BTD: variants seen among roughly 807,000 people sequenced by gnomAD.
BTD encodes the protein biocytinase.
In BTD, 13 loss-of-function variants were observed where a neutral mutation model predicts 17.7. The ratio of observed to expected loss-of-function variants is 0.74; its 90% CI spans 0.48 to 1.17. The LOEUF is 1.17. Ranked by LOEUF, BTD falls within the 50% of genes most tolerant of loss-of-function variation. The pLI, the probability that BTD is intolerant of heterozygous loss-of-function variation, is 0.00. For synonymous variants in BTD, 240 were observed against 245.2 expected (o/e 0.98, Z 0.20); for missense variants, 674 against 650.4 (o/e 1.04, Z -0.39).
intron 1 of BTD, among the ~76,000 whole-genome samples, chr3:15,608,713 C>T (rs1447304738): frequency 6.6e-6 from 1 of 151,752 alleles, no homozygotes; most frequent in Non-Finnish European, 1.5e-5. Flanking sequence ...TTGCAGTGAG[C>T]CGAGATTGCG....
chr3:15,626,609 T>G (rs2065070708), intron 1 of BTD, among the ~76,000 whole-genome samples: 1 of 151,736 alleles, frequency 6.6e-6, no homozygotes, highest in African/African-American at 2.4e-5. Context: ...AGACCCCATC[T>G]CTACAAAAAA....
At chr3:15,678,765 A>G (rs2067220816) in intron 3 of BTD, among the ~76,000 whole-genome samples, 1 of 152,188 alleles carries the variant, frequency 6.6e-6, no homozygotes, top group South Asian at 2.1e-4. Flanking sequence ...TTCGAAAGAG[A>G]GGGAAAAATA....
chr3:15,696,320 TA>T (rs1362351693), intron 3 of BTD: 6 of 945,452 alleles, frequency 6.3e-6, no homozygotes, highest in Admixed American at 3.1e-5. Context: ...AGACTGAAAT[TA>T]AAAACTGACA....
intron 1 of BTD, among the ~76,000 whole-genome samples, chr3:15,627,672 C>G (rs2065098937): frequency 6.6e-6 from 1 of 152,196 alleles, no homozygotes; most frequent in Non-Finnish European, 1.5e-5. Context: ...CTACTATCAT[C>G]CAGCGTCAGT....
At chr3:15,717,813 A>G (rs1050743278) in intron 4 of BTD, among the ~76,000 whole-genome samples, 1 of 152,330 alleles carries the variant, frequency 6.6e-6, no homozygotes, top group African/African-American at 2.4e-5. Context: ...TATAAACCTG[A>G]TTCATTTTAC....
chr3:15,685,522 TTAAA>T, intron 3 of BTD: 1 of 1,300,222 alleles, frequency 7.7e-7, no homozygotes, highest in Non-Finnish European at 1.1e-6. Flanking sequence ...ATTAAAAACT[TTAAA>T]GACCATACTC....
chr3:15,625,014 G>A (rs189340436), intron 1 of BTD, among the ~76,000 whole-genome samples: 19 of 152,222 alleles, frequency 1.2e-4, no homozygotes, highest in Non-Finnish European at 1.8e-4. Flanking sequence ...ATGAGCCACC[G>A]CACCTGGCCT....
Position 15,614,111 on chromosome 3 carries a change from CTCTTTCTT to C in BTD, c.-17+12227_-17+12234del, listed in dbSNP as rs1007892577. Among the ~76,000 whole-genome samples, 3 of 146,022 alleles carry C rather than the reference CTCTTTCTT, an allele frequency of 2.1e-5. 1 individual carries two copies. The highest frequency in any genetic ancestry group is 7.8e-5 in the African/African-American group (3 of 38,656). On this transcript the variant is annotated intron_variant, in intron 1 of 3. Coordinates refer to ENST00000643237, the MANE Select transcript of BTD (RefSeq NM_001370658.1). ...ATGTGTCATTTTATGTATTTTCTCC[CTCTTTCTT>C]TCTTTCTTTTTTTTTTTTTTTTAAG...
chr3:15,653,085 G>A lies in BTD; in HGVS notation c.*7597G>A, dbSNP rs1426235128. ...CAGAGTTATCCAACAGCCTGGTATG[G>A]TGCAGACCAGGGGCTCTCGAAAGGT... is the stretch of plus-strand genomic sequence containing the variant. On this transcript the variant is annotated 3_prime_UTR_variant, in exon 4 of 4. Coordinates refer to ENST00000643237, the MANE Select transcript of BTD (RefSeq NM_001370658.1). Among the ~76,000 whole-genome samples the A allele has an allele frequency of 2.0e-5, 3 of 152,238 alleles. No homozygotes were observed. In the East Asian group the frequency reaches 5.8e-4, roughly 29 times the overall value.
At position 15,675,909 on chromosome 3, in the gene BTD, A is replaced by C. The variant is rs1190492410; in HGVS notation, c.399+33852A>C. 4.3e-6 allele frequency: 7 copies of C among 1,610,140 alleles called. No individual in the cohort carries two copies. The Admixed American group carries it at 5.0e-5, about 12-fold the overall frequency. On this transcript the variant is annotated intron_variant, in intron 3 of 3. Transcript: ENST00000672141. ...TAGAACCAACTTACCATTTTCATCT[A>C]CTGCAAGCACACTTGCTCCTTTTCC...
At chr3:15,675,546 G>A (rs762345445) in intron 3 of BTD, among the ~76,000 whole-genome samples, 1 of 152,214 alleles carries the variant, frequency 6.6e-6, no homozygotes, top group Non-Finnish European at 1.5e-5. Context: ...ACAGGATCTA[G>A]TGCATGAGTA....
At chr3:15,643,915 AG>A (rs1458082917) in intron 3 of BTD, among the ~76,000 whole-genome samples, 1 of 149,796 alleles carries the variant, frequency 6.7e-6, no homozygotes, top group African/African-American at 2.4e-5. Flanking sequence ...AAGAAAAGAA[AG>A]AAAAAAAAAA....
At position 15,653,607 on chromosome 3, in the gene BTD, T is replaced by C. The variant is rs2065839208; in HGVS notation, c.*8119T>C. Among the ~76,000 whole-genome samples the C allele has an allele frequency of 6.6e-6, 1 of 152,236 alleles. No individual in the cohort carries two copies. Among genetic ancestry groups the C allele is most frequent in the South Asian group, 2.1e-4 (1 of 4,838 alleles). On this transcript the variant is annotated 3_prime_UTR_variant, in exon 4 of 4. Transcript: ENST00000643237. ...TAAAGGCAATTATATTTACATTTTC[T>C]CTAAGTACTGGAATGTAATGGTTGA...
In BTD at chr3:15,644,612, C is replaced by T. The variant is rs758306005; in HGVS notation, c.696C>T (p.Asp232=). 3 of 1,614,054 alleles carry T rather than the reference C, an allele frequency of 1.9e-6. No homozygotes were observed. The highest frequency in any genetic ancestry group is 2.5e-6 in the Non-Finnish European group (3 of 1,180,040). Residue 232 remains aspartate, a synonymous_variant, in exon 4 of 4, where the codon GAC becomes GAT. Transcript: ENST00000643237. ...CATGCTTTGATATATTGTTCTTTGA[C>T]CCTGCCATCAGAGTCCTCAGAGACT... The part of the protein sequence containing the change: ...IFTCFDILFF[D]PAIRVLRDYK...
At chr3:15,674,071 C>T (rs2066654788) in intron 3 of BTD, among the ~76,000 whole-genome samples, 1 of 141,892 alleles carries the variant, frequency 7.0e-6, no homozygotes, top group Non-Finnish European at 1.5e-5. Flanking sequence ...ACTTGGGAGG[C>T]TGAGGTGAGA....
At chr3:15,616,645 T>A (rs2064800659) in intron 1 of BTD, among the ~76,000 whole-genome samples, 2 of 152,120 alleles carry the variant, frequency 1.3e-5, no homozygotes, top group South Asian at 4.1e-4. Flanking sequence ...TTTTTTTCCT[T>A]TCACCAAACT....
intron 1 of BTD, among the ~76,000 whole-genome samples, chr3:15,621,565 G>A (rs2064951483): frequency 1.3e-5 from 2 of 151,870 alleles, no homozygotes. Context: ...GTGAGTTTTA[G>A]TAAATTCTGT....
chr3:15,706,496 A>G (rs2071433626), intron 3 of BTD, among the ~76,000 whole-genome samples: 1 of 152,080 alleles, frequency 6.6e-6, no homozygotes. Context: ...TCATTGATGG[A>G]CATTTGGGGT....
At chr3:15,700,439 G>A (rs1436266589) in intron 3 of BTD, among the ~76,000 whole-genome samples, 1 of 147,562 alleles carries the variant, frequency 6.8e-6, no homozygotes, top group Non-Finnish European at 1.5e-5. Flanking sequence ...ATGTACCCTA[G>A]AACTTAAAAG....
Sources: allele counts gnomAD v4.1 joint callset (sites outside exome capture counted in the v4.1 genomes callset), GRCh38; gene constraint gnomAD v4.1.1; transcripts MANE v1.5; gene names NCBI Gene and HGNC (gene_info 2026-07-23, HGNC 2026-07-21).